Variants in SH3BGRL2 observed in about 807,000 individuals in gnomAD.
The protein encoded by SH3BGRL2 is SH3 domain-binding glutamic acid-rich-like protein 2.
Under a neutral mutation model 14.8 loss-of-function variants are expected in SH3BGRL2, and 21 were observed. The ratio of observed to expected loss-of-function variants is 1.42; its 90% CI spans 1.01 to 2.05. SH3BGRL2 has a LOEUF of 2.05. Among genes scored for constraint, SH3BGRL2 ranks in the 30% most tolerant of loss-of-function variants. SH3BGRL2 has a pLI of 0.00. For missense variants in SH3BGRL2, 147 were observed against 130.8 expected (o/e 1.12, Z -0.61); for synonymous variants, 50 against 47.8 (o/e 1.05, Z -0.19).
At chr6:79,592,024 A>G in the SH3BGRL2 span, among the ~76,000 whole-genome samples, 5 of 152,208 alleles carry the variant, frequency 3.3e-5, no homozygotes, top group Non-Finnish European at 7.3e-5. Context: ...TGCCTTTCAG[A>G]GATAAAGATA....
intron 2 of SH3BGRL2, among the ~76,000 whole-genome samples, chr6:79,684,598 GGTTCTGAGCATTTGCTGTAC>G (rs1770056303): frequency 6.6e-6 from 1 of 152,148 alleles, no homozygotes; most frequent in Non-Finnish European, 1.5e-5. Context: ...GCCTTGTCAA[GGTTCTGAGCATTTGCTGTAC>G]GTGGTTTGAA....
the SH3BGRL2 span, among the ~76,000 whole-genome samples, chr6:79,560,883 T>G: frequency 7.3e-6 from 1 of 137,296 alleles, no homozygotes; most frequent in African/African-American, 2.7e-5. Context: ...TTTTTTTTTT[T>G]TTTTTTTTTT....
At chr6:79,590,423 T>TTATATA in the SH3BGRL2 span, among the ~76,000 whole-genome samples, 2 of 51,512 alleles carry the variant, frequency 3.9e-5, no homozygotes, top group Non-Finnish European at 7.3e-5. Flanking sequence ...AAAGAAAATG[T>TTATATA]GATATATATA....
chr6:79,564,880 T>A, the SH3BGRL2 span, among the ~76,000 whole-genome samples: 1 of 152,224 alleles, frequency 6.6e-6, no homozygotes, highest in Admixed American at 6.5e-5. Context: ...CATCTCCTGC[T>A]GCTTCTGGCT....
intron 2 of SH3BGRL2, among the ~76,000 whole-genome samples, chr6:79,680,617 C>CT (rs1382318521): frequency 3.9e-5 from 6 of 152,070 alleles, no homozygotes; most frequent in Admixed American, 3.3e-4. Context: ...GCAAAAACTG[C>CT]TGTTGAAATT....
chr6:79,597,612 A>C, the SH3BGRL2 span, among the ~76,000 whole-genome samples: 1 of 152,226 alleles, frequency 6.6e-6, no homozygotes, highest in African/African-American at 2.4e-5. Context: ...TATATACAAA[A>C]TTTAAGTCAA....
chr6:79,669,479 A>G (rs1454622385), intron 1 of SH3BGRL2, among the ~76,000 whole-genome samples: 1 of 146,362 alleles, frequency 6.8e-6, no homozygotes, highest in Non-Finnish European at 1.5e-5. Flanking sequence ...TTTGAGACAA[A>G]GTTTCGCCCT....
At chr6:79,584,695 C>T in the SH3BGRL2 span, among the ~76,000 whole-genome samples, 1 of 152,002 alleles carries the variant, frequency 6.6e-6, no homozygotes, top group Non-Finnish European at 1.5e-5. Flanking sequence ...TCAAATTATC[C>T]GGATTGACAC....
At chr6:79,659,077 A>T (rs565349983) in intron 1 of SH3BGRL2, among the ~76,000 whole-genome samples, 3 of 152,092 alleles carry the variant, frequency 2.0e-5, no homozygotes. Context: ...ATTTTCTCCC[A>T]TTCTATAAGT....
chr6:79,604,006 T>C, the SH3BGRL2 span, among the ~76,000 whole-genome samples: 1 of 152,170 alleles, frequency 6.6e-6, no homozygotes, highest in Non-Finnish European at 1.5e-5. Flanking sequence ...GTTATCGCCA[T>C]GTTGGCCAGG....
chr6:79,641,041 T>C (rs1769021742), intron 1 of SH3BGRL2, among the ~76,000 whole-genome samples: 1 of 152,006 alleles, frequency 6.6e-6, no homozygotes, highest in Non-Finnish European at 1.5e-5. Context: ...AAGCATAGCT[T>C]TTGAGTTAGC....
chr6:79,698,804 CCA>C (rs1770384498), intron 3 of SH3BGRL2, among the ~76,000 whole-genome samples: 1 of 152,036 alleles, frequency 6.6e-6, no homozygotes, highest in Non-Finnish European at 1.5e-5. Context: ...AGTGGCTGGC[CCA>C]TTGTGATAGC....
At chr6:79,553,600 C>T in the SH3BGRL2 span, among the ~76,000 whole-genome samples, 32,545 of 151,974 alleles carry the variant, frequency 0.21, 3,578 homozygotes, top group African/African-American at 0.27. Context: ...CAAAGAGAGG[C>T]GACTTAATTT....
chr6:79,596,618 A>G, the SH3BGRL2 span, among the ~76,000 whole-genome samples: 1 of 152,202 alleles, frequency 6.6e-6, no homozygotes, highest in Non-Finnish European at 1.5e-5. Flanking sequence ...GAAAAACATT[A>G]CAGAATACCT....
the SH3BGRL2 span, among the ~76,000 whole-genome samples, chr6:79,591,934 A>G: frequency 6.8e-4 from 103 of 152,300 alleles, 1 homozygote; most frequent in African/African-American, 6.7e-4. Context: ...TTAAAAATAT[A>G]TATTTAAGAA....
chr6:79,613,195 A>T, the SH3BGRL2 span, among the ~76,000 whole-genome samples: 474 of 152,346 alleles, frequency 3.1e-3, no homozygotes, highest in Non-Finnish European at 4.9e-3. Context: ...TTTGAGAATC[A>T]GAAATGAAAA....
At chr6:79,580,970 C>G in the SH3BGRL2 span, among the ~76,000 whole-genome samples, 1 of 152,078 alleles carries the variant, frequency 6.6e-6, no homozygotes, top group Non-Finnish European at 1.5e-5. Context: ...ATCACTGATC[C>G]CACAGAAATA....
the SH3BGRL2 span, among the ~76,000 whole-genome samples, chr6:79,562,314 G>A: frequency 6.6e-6 from 1 of 152,028 alleles, no homozygotes; most frequent in Non-Finnish European, 1.5e-5. Context: ...ATAGTTATGA[G>A]TATTATAAAA....
chr6:79,569,382 T>C, the SH3BGRL2 span, among the ~76,000 whole-genome samples: 1 of 152,204 alleles, frequency 6.6e-6, no homozygotes, highest in Non-Finnish European at 1.5e-5. Flanking sequence ...TGCCAGACTC[T>C]TAGTTAATTC....
Sources: gnomAD v4.1 joint callset for allele counts (sites outside exome capture counted in the v4.1 genomes callset) on GRCh38, gnomAD v4.1.1 for gene constraint, MANE v1.5 for transcripts, NCBI Gene and HGNC (gene_info 2026-07-23, HGNC 2026-07-21) for gene names.